The following HERC1 variants were observed in gnomAD, a reference collection of about 807,000 sequenced individuals.
The protein encoded by HERC1 is HECT and RLD domain containing E3 ubiquitin protein ligase family member 1.
A neutral mutation model predicts 554.3 loss-of-function variants in HERC1; 160 were observed. The observed-to-expected ratio is 0.29, with a 90% CI of 0.25 to 0.33. The LOEUF (loss-of-function observed/expected upper bound fraction) is 0.33. Ranked by LOEUF, HERC1 falls within the 10% of genes least tolerant of loss-of-function variation. The pLI is 1.00. For synonymous variants in HERC1, 2,175 were observed against 2,131.7 expected, an observed-to-expected ratio of 1.02 and a Z score of -0.56; for missense variants, 4,919 against 5,918.5, an observed-to-expected ratio of 0.83 and a Z score of 5.54.
At chr15:63,732,876 A>T (rs2074354715) in intron 14 of HERC1, 48 bp downstream of exon 14, 1 of 1,204,932 alleles carries the variant, frequency 8.3e-7, no homozygotes, top group Non-Finnish European at 1.2e-6. Context: ...GACTAAAGAG[A>T]TCCCTACCCC....
intron 74 of HERC1, among the ~76,000 whole-genome samples, chr15:63,620,961 T>C (rs2068050742): frequency 6.6e-6 from 1 of 152,214 alleles, no homozygotes; most frequent in Non-Finnish European, 1.5e-5. Flanking sequence ...TGCCAGTCTG[T>C]GCCTTTTAAT....
Position 63,608,754 on chromosome 15 carries a change from A to G in HERC1, c.*327T>C. On this transcript the variant is annotated 3_prime_UTR_variant, in exon 78 of 78. Coordinates refer to ENST00000443617, the MANE Select transcript of HERC1 (RefSeq NM_003922.4). ...ACAATTATACACAATGTACAATTTC[A>G]TGTTCACTGGGTGGATTTACAAAAA... 1 of 204,798 alleles carries G rather than the reference A, an allele frequency of 4.9e-6. No homozygotes were observed. Among genetic ancestry groups the G allele is most frequent in the South Asian group, 9.8e-5 (1 of 10,214 alleles). 12.7% of individuals were successfully genotyped at this position (204,798 alleles called of 1,614,324 possible).
chr15:63,631,779 G>A (rs1427576189), intron 68 of HERC1, among the ~76,000 whole-genome samples: 1 of 152,126 alleles, frequency 6.6e-6, no homozygotes, highest in Non-Finnish European at 1.5e-5. Context: ...GACTTTAGGT[G>A]ATCCACCCGC....
At chr15:63,805,753 C>G (rs1284463454) in intron 1 of HERC1, among the ~76,000 whole-genome samples, 1 of 151,844 alleles carries the variant, frequency 6.6e-6, no homozygotes, top group Non-Finnish European at 1.5e-5. Context: ...TCAAGACCAC[C>G]CTGGGCAATA....
At chr15:63,782,806 T>C (rs2076324749) in intron 1 of HERC1, among the ~76,000 whole-genome samples, 1 of 152,224 alleles carries the variant, frequency 6.6e-6, no homozygotes, top group South Asian at 2.1e-4. Flanking sequence ...AGTATCAATA[T>C]TAACAAGAGT....
At chr15:63,769,934 A>AT (rs543984389) in intron 2 of HERC1, among the ~76,000 whole-genome samples, 61 of 152,220 alleles carry the variant, frequency 4.0e-4, no homozygotes, top group African/African-American at 1.4e-3. Flanking sequence ...CTAAATGACA[A>AT]TTTTTTTCCC....
Position 63,663,110 on chromosome 15 carries a change from A to G in HERC1, c.8775T>C (p.Asn2925=), listed in dbSNP as rs1238426758. The G allele has an allele frequency of 6.2e-7, 1 of 1,613,978 alleles. No homozygotes were observed. Residue 2925 remains asparagine (N), a synonymous_variant, in exon 44 of 78, where the codon AAT becomes AAC. Transcript: ENST00000443617. ...GATCAATTTCCAATTCCTCATCTAA[A>G]TTAAAGTCATACAACGCCCCTGGGT... ...QQDPGALYDF[N]LDEELEIDLD...
At position 63,677,708 on chromosome 15, in the gene HERC1, A is replaced by T; in HGVS notation, c.7070+137T>A. ...TCCTTTAAGAAATTACAGTAGAAAC[A>T]TCTAGCTGCATGAGAAATATTTTTA... On this transcript the variant is annotated intron_variant, in intron 37 of 77. Coordinates refer to ENST00000443617, the MANE Select transcript of HERC1 (RefSeq NM_003922.4). This position sits in a 1 kb window ranked among gnomAD's most constrained non-coding sequence, Gnocchi z 4.4. 3 of 1,410,368 alleles carry T rather than the reference A, an allele frequency of 2.1e-6. No homozygotes were observed. The highest frequency in any genetic ancestry group is 2.8e-6 in the Non-Finnish European group (3 of 1,054,702). 87.4% of individuals were successfully genotyped at this position (1,410,368 alleles called of 1,614,324 possible).
chr15:63,781,201 T>C (rs2076279932), intron 1 of HERC1, among the ~76,000 whole-genome samples: 1 of 152,098 alleles, frequency 6.6e-6, no homozygotes, highest in African/African-American at 2.4e-5. Flanking sequence ...ACAGAGAATA[T>C]AGGAAGAATG....
rs1488565043 is a variant in HERC1 at position 63,723,584 on chromosome 15, T to G, written c.3569-229A>C. 3.3e-5 allele frequency among the ~76,000 whole-genome samples: 5 copies of G among 152,164 alleles called. No individual in the cohort carries two copies. The East Asian group carries it at 9.6e-4, about 29-fold the overall frequency. On this transcript the variant is annotated intron_variant, in intron 18 of 77. Transcript: ENST00000443617. ...CCAATTGTGACACTCCAAAAAAACC[T>G]CTGGTATTTTGCAGTCAAATGCTTT... is the stretch of plus-strand genomic sequence containing the variant.
chr15:63,642,877 T>G (rs905749795), intron 59 of HERC1, 80 bp downstream of exon 59: 1 of 814,758 alleles, frequency 1.2e-6, no homozygotes, highest in East Asian at 2.6e-5. Context: ...TTCTCCTCCA[T>G]AAAGTGGGGT....
chr15:63,822,422 C>G (rs2077733138), intron 1 of HERC1, among the ~76,000 whole-genome samples: 1 of 152,006 alleles, frequency 6.6e-6, no homozygotes, highest in African/African-American at 2.4e-5. Context: ...CCCATCTCTA[C>G]TAAAAAGACA....
At chr15:63,732,572 C>T (rs1299281469) in intron 14 of HERC1, among the ~76,000 whole-genome samples, 1 of 152,178 alleles carries the variant, frequency 6.6e-6, no homozygotes, top group Non-Finnish European at 1.5e-5. Context: ...ATCCTACTGA[C>T]CAACCTATTC....
chr15:63,659,743 C>T lies in HERC1; in HGVS notation c.9417G>A (p.Met3139Ile), dbSNP rs771882852. 6.2e-7 allele frequency: 1 copy of T among 1,612,270 alleles called. No homozygotes were observed. Among genetic ancestry groups the T allele is most frequent in the East Asian group, 2.2e-5 (1 of 44,878 alleles). ...TATNSMEETL[M>I]QIGCHGSVEK... ...ATCAGGATTTCAGTTTACCTATTTG[C>T]ATCAGAGTCTCTTCCATACTGTTGG... The change falls in exon 47 of 78, where the codon ATG becomes ATA. Residue 3139 changes from methionine (M) to isoleucine (I), a missense_variant. This residue lies in a region of HERC1 where 1,963 missense variants were observed against 2,228.6 expected (regional missense o/e 0.88). Transcript: ENST00000443617.
At chr15:63,799,217 T>C (rs541183341) in intron 1 of HERC1, among the ~76,000 whole-genome samples, 19 of 152,296 alleles carry the variant, frequency 1.2e-4, no homozygotes, top group African/African-American at 3.6e-4. Context: ...AAAGTAGCTA[T>C]TGGCCAGGCA....
chr15:63,617,457 C>T (rs896647170), intron 74 of HERC1, among the ~76,000 whole-genome samples: 17 of 152,062 alleles, frequency 1.1e-4, no homozygotes, highest in African/African-American at 3.4e-4. Flanking sequence ...TGAATAGTGC[C>T]GCAATAAACA....
At chr15:63,617,070 T>C (rs2067851830) in intron 74 of HERC1, among the ~76,000 whole-genome samples, 1 of 152,186 alleles carries the variant, frequency 6.6e-6, no homozygotes, top group Non-Finnish European at 1.5e-5. Flanking sequence ...GCAGGTTTGT[T>C]ACATATGTAT....
intron 72 of HERC1, 115 bp from the exon 73 acceptor site, chr15:63,624,005 T>C: frequency 7.7e-7 from 1 of 1,295,434 alleles, no homozygotes; most frequent in Non-Finnish European, 1.1e-6. Flanking sequence ...AGCACTGTGC[T>C]AGGCCCACTG....
At chr15:63,613,291 C>G (rs951474176) in intron 76 of HERC1, among the ~76,000 whole-genome samples, 3 of 152,212 alleles carry the variant, frequency 2.0e-5, no homozygotes, top group Non-Finnish European at 4.4e-5. Flanking sequence ...CTACCCTGCT[C>G]TGTTCTCTTA....
Sources: gnomAD v4.1 joint callset for allele counts (sites outside exome capture counted in the v4.1 genomes callset) on GRCh38, gnomAD v4.1.1 for gene constraint, gnomAD v4.1.1 regional missense constraint, Gnocchi (gnomAD v3.1) non-coding constraint, MANE v1.5 for transcripts, NCBI Gene and HGNC (gene_info 2026-07-23, HGNC 2026-07-21) for gene names.